The following CHST9 variants were observed in gnomAD, a reference collection of about 807,000 sequenced individuals.
CHST9 encodes GalNAc-4-sulfotransferase 2.
Under a neutral mutation model 44.4 loss-of-function variants are expected in CHST9, and 41 were observed. The ratio of observed to expected loss-of-function variants is 0.92; its 90% CI spans 0.72 to 1.20. The LOEUF (loss-of-function observed/expected upper bound fraction) is 1.20, where lower values mean the gene tolerates loss of function less well. CHST9 is among the 50% of genes most tolerant of loss of function. The pLI is 0.00. For synonymous variants in CHST9, 171 were observed against 178.4 expected (o/e 0.96, Z 0.33); for missense variants, 504 against 516.5 (o/e 0.98, Z 0.23).
intron 2 of CHST9, among the ~76,000 whole-genome samples, chr18:27,073,803 T>A (rs1258660153): frequency 6.6e-6 from 1 of 152,158 alleles, no homozygotes; most frequent in Non-Finnish European, 1.5e-5. Context: ...TTTGCTTACT[T>A]TTTGTGACTA....
chr18:27,093,460 C>T (rs2058087958), intron 2 of CHST9, among the ~76,000 whole-genome samples: 1 of 152,188 alleles, frequency 6.6e-6, no homozygotes, highest in South Asian at 2.1e-4. Context: ...TGGCAGATGC[C>T]CCTTCCCCAG....
In CHST9 at chr18:27,177,141, G is replaced by A. The variant is rs114078216; in HGVS notation, c.-97+7995C>T. On this transcript the variant is annotated intron_variant, in intron 1 of 5. Transcript: ENST00000618847. ...AGAGTGCAAATGTTAGAAGGTAAAA[G>A]GGTGTTGATAGTTACTGCTTTTTGT... Among the ~76,000 whole-genome samples, 192 of 152,034 alleles carry A rather than the reference G, an allele frequency of 1.3e-3. 2 individuals carry two copies. The highest frequency in any genetic ancestry group is 4.3e-3 in the African/African-American group (179 of 41,522).
chr18:27,151,171 T>G (rs2058656319), intron 1 of CHST9, among the ~76,000 whole-genome samples: 1 of 152,182 alleles, frequency 6.6e-6, no homozygotes, highest in Non-Finnish European at 1.5e-5. Context: ...ATTTACTAGT[T>G]TAGTAGTTAA....
chr18:26,961,515 G>A (rs1210703328), intron 4 of CHST9, among the ~76,000 whole-genome samples: 2 of 151,664 alleles, frequency 1.3e-5, no homozygotes, highest in Admixed American at 6.6e-5. Flanking sequence ...CTGCAGCCTC[G>A]AACTCTTGGG....
chr18:27,166,072 C>G (rs1470370082), intron 1 of CHST9, among the ~76,000 whole-genome samples: 5 of 152,160 alleles, frequency 3.3e-5, no homozygotes, highest in Non-Finnish European at 7.4e-5. Context: ...AAACTCATCC[C>G]TTTCTCTTTC....
intron 1 of CHST9, among the ~76,000 whole-genome samples, chr18:27,167,144 A>C (rs1181083156): frequency 1.3e-5 from 2 of 152,246 alleles, no homozygotes; most frequent in Non-Finnish European, 2.9e-5. Flanking sequence ...TTGGAGAAAC[A>C]GAAGAAAGGT....
intron 5 of CHST9, chr18:26,928,503 A>G (rs2055817818): frequency 7.3e-6 from 1 of 137,196 alleles, no homozygotes; most frequent in African/African-American, 2.6e-5. Context: ...TTTTAGGACA[A>G]TGTCATCATT....
At chr18:26,944,273 T>G (rs914546495) in intron 5 of CHST9, 56 bp downstream of exon 5, 1 of 1,318,558 alleles carries the variant, frequency 7.6e-7, no homozygotes, top group Admixed American at 1.7e-5. Flanking sequence ...TTTACACATG[T>G]TTATTAACAT....
intron 2 of CHST9, among the ~76,000 whole-genome samples, chr18:27,075,936 C>G (rs1242672236): frequency 6.6e-6 from 1 of 152,186 alleles, no homozygotes; most frequent in East Asian, 1.9e-4. Context: ...GATCCCCATA[C>G]CCCCTTGATC....
intron 1 of CHST9, among the ~76,000 whole-genome samples, chr18:27,181,050 C>T (rs1252326924): frequency 6.6e-6 from 1 of 152,156 alleles, no homozygotes; most frequent in East Asian, 1.9e-4. Context: ...CTGAAGGGTA[C>T]ATCTACTTTT....
Position 26,915,293 on chromosome 18 carries a change from C to T in CHST9, c.*966G>A, listed in dbSNP as rs563809272. ...CTAAGCTGAATAATTAAACTGAAAA[C>T]AAAAGCTATTCTTAGGGTGTATTCC... On this transcript the variant is annotated 3_prime_UTR_variant, in exon 6 of 6. Coordinates refer to ENST00000618847, the MANE Select transcript of CHST9 (RefSeq NM_031422.6). 204 of 264,360 alleles carry T rather than the reference C, an allele frequency of 7.7e-4. 1 individual carries two copies. Among genetic ancestry groups the T allele is most frequent in the Non-Finnish European group, 6.9e-4 (99 of 142,584 alleles). The allele number at this position is 264,360 out of a possible 1,614,324, so 16.4% of individuals were successfully genotyped here.
At chr18:26,979,467 T>C (rs1430844512) in intron 4 of CHST9, among the ~76,000 whole-genome samples, 1 of 152,174 alleles carries the variant, frequency 6.6e-6, no homozygotes, top group East Asian at 1.9e-4. Context: ...AAATTTCCTT[T>C]ATTTCCATTT....
At chr18:27,045,510 A>G (rs2057489497) in intron 3 of CHST9, among the ~76,000 whole-genome samples, 1 of 151,974 alleles carries the variant, frequency 6.6e-6, no homozygotes, top group Admixed American at 6.6e-5. Context: ...TTTCCCGGTA[A>G]AGAGAATCAA....
chr18:26,939,292 G>A (rs934930252), intron 5 of CHST9, among the ~76,000 whole-genome samples: 3 of 152,184 alleles, frequency 2.0e-5, no homozygotes, highest in African/African-American at 7.2e-5. Flanking sequence ...TTTTGTACAT[G>A]AAGAGAAGGG....
chr18:27,023,365 A>C (rs944146787), intron 4 of CHST9, among the ~76,000 whole-genome samples: 4 of 152,198 alleles, frequency 2.6e-5, no homozygotes, highest in African/African-American at 9.7e-5. Flanking sequence ...ACCTCATTAG[A>C]TTAGAATAAT....
At chr18:27,097,098 C>G (rs1052645786) in intron 2 of CHST9, among the ~76,000 whole-genome samples, 2 of 152,054 alleles carry the variant, frequency 1.3e-5, no homozygotes, top group Non-Finnish European at 2.9e-5. Flanking sequence ...AGGCTTCATT[C>G]CCGGGATACA....
At chr18:27,056,584 TTAA>T (rs976162011) in intron 2 of CHST9, among the ~76,000 whole-genome samples, 1 of 152,176 alleles carries the variant, frequency 6.6e-6, no homozygotes, top group African/African-American at 2.4e-5. Context: ...AATGATGTGT[TTAA>T]TAATAATCTC....
intron 2 of CHST9, among the ~76,000 whole-genome samples, chr18:27,063,663 G>T (rs1356396441): frequency 6.6e-6 from 1 of 152,054 alleles, no homozygotes; most frequent in Non-Finnish European, 1.5e-5. Flanking sequence ...TGCAAAATAT[G>T]TAAGTTTTTC....
At chr18:27,035,378 T>C (rs1270124511) in intron 3 of CHST9, among the ~76,000 whole-genome samples, 1 of 152,188 alleles carries the variant, frequency 6.6e-6, no homozygotes, top group Non-Finnish European at 1.5e-5. Context: ...TGCTATGAAG[T>C]TGTATGCATT....
Sources: allele counts gnomAD v4.1 joint callset (sites outside exome capture counted in the v4.1 genomes callset), GRCh38; gene constraint gnomAD v4.1.1; transcripts MANE v1.5; gene names NCBI Gene and HGNC (gene_info 2026-07-23, HGNC 2026-07-21).